Variants in PDE1A observed in about 807,000 individuals in gnomAD.
PDE1A encodes phosphodiesterase 1A.
PDE1A carries 35 observed loss-of-function variants against 61.7 expected under a neutral mutation model. The ratio of observed to expected loss-of-function variants is 0.57; its 90% CI spans 0.43 to 0.75. The LOEUF (loss-of-function observed/expected upper bound fraction) is 0.75, where lower values mean the gene tolerates loss of function less well. Ranked by LOEUF, PDE1A falls within the 30% of genes least tolerant of loss-of-function variation. The probability of loss-of-function intolerance (pLI) is 0.00; values close to 1 mark genes in which losing one functional copy is unlikely to be tolerated. For synonymous variants in PDE1A, 232 were observed against 213.2 expected (o/e 1.09, Z -0.77); for missense variants, 597 against 630.6 (o/e 0.95, Z 0.57).
intron 1 of PDE1A, among the ~76,000 whole-genome samples, chr2:182,334,688 T>C (rs191829742): frequency 4.7e-4 from 72 of 152,328 alleles, no homozygotes; most frequent in African/African-American, 1.5e-3. Flanking sequence ...GGGCAAAAGC[T>C]GGAAGCGTTC....
At chr2:182,498,807 G>A (rs948254568) in intron 2 of PDE1A, among the ~76,000 whole-genome samples, 10 of 152,090 alleles carry the variant, frequency 6.6e-5, no homozygotes, top group African/African-American at 1.7e-4. Context: ...AGCCGGACGC[G>A]GTGGCGGGCG....
chr2:182,436,617 T>C (rs911437876), intron 2 of PDE1A, among the ~76,000 whole-genome samples: 5 of 151,950 alleles, frequency 3.3e-5, no homozygotes, highest in African/African-American at 1.2e-4. Context: ...CATGACCCAA[T>C]GGAAAATGTG....
the PDE1A span, among the ~76,000 whole-genome samples, chr2:182,547,312 A>G: frequency 6.6e-6 from 1 of 152,178 alleles, no homozygotes; most frequent in Middle Eastern, 3.2e-3. Context: ...GTCTAGCAGA[A>G]CTGTCATCTC....
chr2:182,306,479 C>CAA lies in PDE1A; in HGVS notation c.54-42066_54-42065insTT, dbSNP rs199881150. 2.2e-3 allele frequency among the ~76,000 whole-genome samples: 328 copies of CAA among 149,536 alleles called. 1 individual carries two copies. Among genetic ancestry groups the CAA allele is most frequent in the African/African-American group, 5.9e-3 (242 of 41,002 alleles). On this transcript the variant is annotated intron_variant, in intron 1 of 13. Transcript: ENST00000351439. Reference sequence around the variant, plus strand: ...AAATCCAAAAATTCATATGGAACCACACACACACACACACACACACAAAAG... The same window carrying CAA: ...AAATCCAAAAATTCATATGGAACCACAAACACACACACACACACACACAAAAG...
At chr2:182,550,197 C>T in the PDE1A span, among the ~76,000 whole-genome samples, 1,134 of 152,264 alleles carry the variant, frequency 7.4e-3, 4 homozygotes, top group Non-Finnish European at 0.011. Flanking sequence ...GAGAATGACA[C>T]GTAACTAGTT....
the PDE1A span, among the ~76,000 whole-genome samples, chr2:182,556,979 T>C: frequency 5.3e-5 from 8 of 152,208 alleles, no homozygotes; most frequent in Non-Finnish European, 1.0e-4. Context: ...AGTATTATCA[T>C]CCTGGAGAGA....
intron 13 of PDE1A, among the ~76,000 whole-genome samples, chr2:182,179,929 A>C (rs1684607805): frequency 6.6e-6 from 1 of 152,226 alleles, no homozygotes; most frequent in African/African-American, 2.4e-5. Flanking sequence ...ATATCTGTGA[A>C]ATAGAGCTTA....
intron 2 of PDE1A, among the ~76,000 whole-genome samples, chr2:182,494,662 C>A (rs1312499703): frequency 6.6e-6 from 1 of 152,108 alleles, no homozygotes; most frequent in Admixed American, 6.5e-5. Flanking sequence ...AAATGCCCAA[C>A]GACCAATGTA....
chr2:182,566,207 T>C, the PDE1A span, among the ~76,000 whole-genome samples: 1 of 152,082 alleles, frequency 6.6e-6, no homozygotes, highest in Non-Finnish European at 1.5e-5. Context: ...TCTCCCTCCA[T>C]TGAACCATAA....
intron 1 of PDE1A, among the ~76,000 whole-genome samples, chr2:182,354,500 T>A (rs867305154): frequency 6.6e-6 from 1 of 152,286 alleles, no homozygotes; most frequent in Middle Eastern, 3.4e-3. Flanking sequence ...AAGTCAATCA[T>A]TAAAAGTTGA....
chr2:182,520,778 A>G (rs916811011), intron 2 of PDE1A, among the ~76,000 whole-genome samples: 1 of 151,982 alleles, frequency 6.6e-6, no homozygotes, highest in Admixed American at 6.6e-5. Context: ...TTGTAATGAG[A>G]GACATAATTT....
chr2:182,282,146 T>C (rs2062830601), intron 1 of PDE1A, among the ~76,000 whole-genome samples: 1 of 151,946 alleles, frequency 6.6e-6, no homozygotes, highest in Non-Finnish European at 1.5e-5. Flanking sequence ...TTACAGAAGA[T>C]ATTTAAGCAT....
intron 1 of PDE1A, among the ~76,000 whole-genome samples, chr2:182,276,286 A>G (rs1177397699): frequency 6.6e-6 from 1 of 152,082 alleles, no homozygotes; most frequent in Non-Finnish European, 1.5e-5. Context: ...GAAGTCAGGG[A>G]CCCCAAACGG....
At chr2:182,308,069 T>A (rs1209188632) in intron 1 of PDE1A, among the ~76,000 whole-genome samples, 3 of 152,134 alleles carry the variant, frequency 2.0e-5, no homozygotes, top group Non-Finnish European at 1.5e-5. Flanking sequence ...AAATTGAATT[T>A]GAAAAATAAT....
the PDE1A span, among the ~76,000 whole-genome samples, chr2:182,685,681 C>T: frequency 4.6e-5 from 7 of 152,134 alleles, no homozygotes; most frequent in Non-Finnish European, 1.0e-4. Flanking sequence ...CTGAGTGTGC[C>T]CTTCCCTTTC....
chr2:182,651,485 T>C, the PDE1A span, among the ~76,000 whole-genome samples: 1 of 152,250 alleles, frequency 6.6e-6, no homozygotes, highest in Non-Finnish European at 1.5e-5. Context: ...CCTATCTACA[T>C]AGTTAGAACA....
intron 1 of PDE1A, among the ~76,000 whole-genome samples, chr2:182,281,187 T>G (rs528636811): frequency 1.0e-3 from 158 of 152,096 alleles, no homozygotes; most frequent in African/African-American, 3.7e-3. Context: ...ATTTTTTAAT[T>G]TTAGCATTAA....
At chr2:182,535,908 GATCC>G in the PDE1A span, among the ~76,000 whole-genome samples, 1 of 152,154 alleles carries the variant, frequency 6.6e-6, no homozygotes. Flanking sequence ...TTTCATTGAA[GATCC>G]AAGGAATACT....
chr2:182,613,840 C>T, the PDE1A span, among the ~76,000 whole-genome samples: 1 of 152,172 alleles, frequency 6.6e-6, no homozygotes, highest in Non-Finnish European at 1.5e-5. Context: ...TCAAGAGCAA[C>T]ACAGTGATAC....
Sources: allele counts gnomAD v4.1 joint callset (sites outside exome capture counted in the v4.1 genomes callset), GRCh38; gene constraint gnomAD v4.1.1; transcripts MANE v1.5; gene names NCBI Gene and HGNC (gene_info 2026-07-23, HGNC 2026-07-21).